FBRSL1: variants seen among roughly 807,000 people sequenced by gnomAD.
FBRSL1 encodes the protein fibrosin-1-like protein.
FBRSL1 carries 51 observed loss-of-function variants against 89.6 expected under a neutral mutation model. The ratio of observed to expected loss-of-function variants is 0.57; its 90% CI spans 0.45 to 0.72. The LOEUF (loss-of-function observed/expected upper bound fraction) is 0.72. Ranked by LOEUF, FBRSL1 falls within the 30% of genes least tolerant of loss-of-function variation. The pLI is 0.00. For synonymous variants in FBRSL1, 779 were observed against 681.1 expected (o/e 1.14, Z -2.24); for missense variants, 1,618 against 1,451.8 (o/e 1.11, Z -1.86).
chr12:132,570,104 AC>A lies in FBRSL1; in HGVS notation c.876del (p.Ala293ProfsTer134), dbSNP rs1461432773. The A allele has an allele frequency of 5.4e-6, 8 of 1,479,182 alleles. No individual in the cohort carries two copies. The highest frequency in any genetic ancestry group is 2.1e-4 in the Middle Eastern group (1 of 4,806). The allele number at this position is 1,479,182 out of a possible 1,614,324, so 91.6% of individuals were successfully genotyped here. A position where few individuals can be genotyped will look rare whatever the true frequency, so the allele number is the denominator to read the frequency against. ...SRANPLVKKEPPAPHRHTPQP... is the reference protein window; with the variant it reads ...SRANPLVKKEXPAPHRHTPQP... ...GCGCCAATCCCTTGGTGAAGAAGGA[AC>A]CCCCCGCCCCGCACCGCCACACCCC... On this transcript the variant is annotated frameshift_variant, in exon 7 of 19. Transcript: ENST00000680143. LOFTEE classifies it high-confidence loss of function.
intron 5 of FBRSL1, among the ~76,000 whole-genome samples, chr12:132,558,342 G>A (rs1419539505): frequency 6.6e-6 from 1 of 152,208 alleles, no homozygotes; most frequent in Non-Finnish European, 1.5e-5. Flanking sequence ...GAGCAGCCAC[G>A]CCAGCAGCAC....
intron 15 of FBRSL1, among the ~76,000 whole-genome samples, chr12:132,577,327 A>T (rs1318585521): frequency 6.6e-6 from 1 of 152,148 alleles, no homozygotes; most frequent in Non-Finnish European, 1.5e-5. Context: ...AAGGAATGGC[A>T]GGGACCCAGG....
chr12:132,530,624 T>C (rs1330829863), intron 4 of FBRSL1, among the ~76,000 whole-genome samples: 1 of 151,764 alleles, frequency 6.6e-6, no homozygotes, highest in African/African-American at 2.4e-5. Context: ...CAGAGCACTC[T>C]GTGTTTCCTG....
At chr12:132,491,146 G>A (rs1309179026) in intron 1 of FBRSL1, among the ~76,000 whole-genome samples, 1 of 152,242 alleles carries the variant, frequency 6.6e-6, no homozygotes, top group African/African-American at 2.4e-5. Context: ...TGACAGCACC[G>A]TCGGCCTTTT....
chr12:132,516,743 T>C (rs564754332), intron 2 of FBRSL1, among the ~76,000 whole-genome samples: 1 of 152,310 alleles, frequency 6.6e-6, no homozygotes, highest in South Asian at 2.1e-4. Context: ...TTGCCCAAGG[T>C]TCACACAGTG....
rs141984518 is a variant in FBRSL1 at position 132,538,312 on chromosome 12, G to A, written c.616-9691G>A. Among the ~76,000 whole-genome samples, 30 of 152,326 alleles carry A rather than the reference G, an allele frequency of 2.0e-4. No individual in the cohort carries two copies. The East Asian group carries it at 5.2e-3, about 26-fold the overall frequency. Reference sequence around the variant, plus strand: ...CTCAGGGAAAGTTCAGAAATGCATCGGGAGATCCTGGGGCCAGAGGCAGGG... The same window carrying A: ...CTCAGGGAAAGTTCAGAAATGCATCAGGAGATCCTGGGGCCAGAGGCAGGG... On this transcript the variant is annotated intron_variant, in intron 4 of 18. Transcript: ENST00000680143.
intron 5 of FBRSL1, among the ~76,000 whole-genome samples, chr12:132,562,400 C>T (rs1019204882): frequency 4.6e-5 from 7 of 152,072 alleles, no homozygotes; most frequent in African/African-American, 1.2e-4. Flanking sequence ...TCTGGGGTGC[C>T]GGGGTCTCCT....
intron 4 of FBRSL1, among the ~76,000 whole-genome samples, chr12:132,544,196 A>AGGGC (rs1371604365): frequency 6.6e-6 from 1 of 152,130 alleles, no homozygotes; most frequent in Non-Finnish European, 1.5e-5. Flanking sequence ...AGACTGACTG[A>AGGGC]GGGCGTGGGT....
intron 6 of FBRSL1, among the ~76,000 whole-genome samples, chr12:132,568,146 T>G (rs954373137): frequency 1.8e-4 from 27 of 152,180 alleles, no homozygotes; most frequent in Admixed American, 1.6e-3. Context: ...CCCCAGCGTC[T>G]TCTTAGGGCC....
chr12:132,571,161 T>TA lies in FBRSL1; in HGVS notation c.1308dup (p.Pro437ThrfsTer25). ...GGTACTTGGTCACAGGCTCCTCTCTTACCTGCACCCCTGGGCCCGCACGTG... is the reference window on the plus strand; with the variant it reads ...GGTACTTGGTCACAGGCTCCTCTCTTAACCTGCACCCCTGGGCCCGCACGTG... On this transcript the variant is annotated frameshift_variant, in exon 9 of 19. Transcript: ENST00000680143. LOFTEE classifies it high-confidence loss of function. 7.1e-7 allele frequency: 1 copy of TA among 1,417,676 alleles called. No individual in the cohort carries two copies. Among genetic ancestry groups the TA allele is most frequent in the Non-Finnish European group, 9.2e-7 (1 of 1,086,398 alleles). The allele number at this position is 1,417,676 out of a possible 1,614,324, so 87.8% of individuals were successfully genotyped here.
chr12:132,523,355 A>G (rs898077451), intron 2 of FBRSL1, among the ~76,000 whole-genome samples: 1 of 152,066 alleles, frequency 6.6e-6, no homozygotes, highest in Non-Finnish European at 1.5e-5. Flanking sequence ...CACCCGAGGA[A>G]GGGGAAGAGA....
At chr12:132,548,564 C>A (rs1475745327) in intron 5 of FBRSL1, among the ~76,000 whole-genome samples, 2 of 152,234 alleles carry the variant, frequency 1.3e-5, no homozygotes, top group Non-Finnish European at 2.9e-5. Flanking sequence ...CGGGCAGCCC[C>A]TGAGCCACGT....
intron 1 of FBRSL1, chr12:132,507,353 A>G: frequency 8.1e-6 from 8 of 985,466 alleles, no homozygotes; most frequent in Non-Finnish European, 9.6e-6. Flanking sequence ...TGTCTGCACC[A>G]GCCCTGGTGC....
At position 132,576,879 on chromosome 12, in the gene FBRSL1, T is replaced by C. The variant is rs2040414836; in HGVS notation, c.1782T>C (p.Phe594=). Residue 594 remains phenylalanine, a synonymous_variant, in exon 15 of 19, where the codon TTT becomes TTC. Transcript: ENST00000680143. ...LFGRPPAPGV[F]AGFHYPQDLA... is the part of the protein sequence containing the mutation. ...GCAGACCCCCTGCCCCGGGCGTGTTTGCAGGCTTCCACTACCCACAGGACC... is the reference window on the plus strand; with the variant it reads ...GCAGACCCCCTGCCCCGGGCGTGTTCGCAGGCTTCCACTACCCACAGGACC... 1 of 1,550,066 alleles carries C rather than the reference T, an allele frequency of 6.5e-7. No homozygotes were observed. Among genetic ancestry groups the C allele is most frequent in the Non-Finnish European group, 8.7e-7 (1 of 1,146,602 alleles).
At chr12:132,510,887 C>A (rs879826703) in intron 2 of FBRSL1, 10 of 1,012,926 alleles carry the variant, frequency 9.9e-6, no homozygotes, top group Non-Finnish European at 1.2e-5. Flanking sequence ...TCTGAGTCTA[C>A]GTGCACGCTT....
intron 9 of FBRSL1, 185 bp downstream of exon 9, chr12:132,571,416 G>C (rs1555287458): frequency 7.7e-6 from 12 of 1,550,952 alleles, no homozygotes; most frequent in South Asian, 7.1e-5. Context: ...AGTTCCATCA[G>C]CACCAGCACA....
At chr12:132,539,348 A>G (rs1247690706) in intron 4 of FBRSL1, among the ~76,000 whole-genome samples, 52 of 134,256 alleles carry the variant, frequency 3.9e-4, no homozygotes, top group East Asian at 9.2e-4. Context: ...CTCCAGCCCG[A>G]TGCCCACCCA....
At chr12:132,508,119 G>T (rs759532968) in intron 1 of FBRSL1, 34 bp from the exon 2 acceptor site, 3 of 1,299,510 alleles carry the variant, frequency 2.3e-6, no homozygotes, top group Admixed American at 4.1e-5. Flanking sequence ...CTGGGGTCCC[G>T]CCAATTAACT....
intron 4 of FBRSL1, among the ~76,000 whole-genome samples, chr12:132,532,511 C>T (rs1241569152): frequency 6.6e-6 from 1 of 152,198 alleles, no homozygotes; most frequent in Non-Finnish European, 1.5e-5. Context: ...CCTTCCTGTC[C>T]CCACTGGCAA....
Sources: gnomAD v4.1 joint callset for allele counts (sites outside exome capture counted in the v4.1 genomes callset) on GRCh38, gnomAD v4.1.1 for gene constraint, MANE v1.5 for transcripts, NCBI Gene and HGNC (gene_info 2026-07-23, HGNC 2026-07-21) for gene names.